The following RNF139 variants were observed in gnomAD, a reference collection of about 807,000 sequenced individuals.
RNF139 encodes the protein ring finger protein 139.
In RNF139, 15 loss-of-function variants were observed where a neutral mutation model predicts 49.5. That is an observed-to-expected ratio of 0.30 (90% CI 0.20 to 0.47). The LOEUF (loss-of-function observed/expected upper bound fraction) is 0.47. Ranked by LOEUF, RNF139 falls within the 20% of genes least tolerant of loss-of-function variation. The pLI is 1.00. For synonymous variants in RNF139, 325 were observed against 300.9 expected (o/e 1.08, Z -0.83); for missense variants, 619 against 806.3 (o/e 0.77, Z 2.81).
At position 124,488,517 on chromosome 8, in the gene RNF139, A is replaced by C; in HGVS notation, c.*873A>C. The C allele has an allele frequency of 2.7e-6, 2 of 733,654 alleles. No individual in the cohort carries two copies. The allele number at this position is 733,654 out of a possible 1,614,324, so 45.4% of individuals were successfully genotyped here. ...TATTTCTTTAGACAACTTGCAGATAATTTCTTTATTGAAACTATCAGGAAG... is the reference window on the plus strand; with the variant it reads ...TATTTCTTTAGACAACTTGCAGATACTTTCTTTATTGAAACTATCAGGAAG... On this transcript the variant is annotated 3_prime_UTR_variant, in exon 2 of 2. Transcript: ENST00000303545.
At chr8:124,483,723 C>A (rs911838998) in intron 1 of RNF139, among the ~76,000 whole-genome samples, 1 of 152,112 alleles carries the variant, frequency 6.6e-6, no homozygotes, top group Non-Finnish European at 1.5e-5. Flanking sequence ...AGCCACCACA[C>A]CCAGCCAAGA....
rs1816371613 is a variant in RNF139 at position 124,479,563 on chromosome 8, T to TC, written c.181+4273_181+4274insC. Among the ~76,000 whole-genome samples the TC allele has an allele frequency of 2.6e-5, 4 of 152,264 alleles. No individual in the cohort carries two copies. In the South Asian group the frequency reaches 8.3e-4, roughly 32 times the overall value. On this transcript the variant is annotated intron_variant, in intron 1 of 1. Transcript: ENST00000303545. ...ACATTTTGGACAGGATAATTCTTTGTTTGCGGATGGGAGCTCTCCTGTGCA... is the reference window on the plus strand; with the variant it reads ...ACATTTTGGACAGGATAATTCTTTGTCTTGCGGATGGGAGCTCTCCTGTGCA...
chr8:124,487,532 A>T lies in RNF139; in HGVS notation c.1883A>T (p.Glu628Val). 1 of 1,614,152 alleles carries T rather than the reference A, an allele frequency of 6.2e-7. No individual in the cohort carries two copies. Among genetic ancestry groups the T allele is most frequent in the Non-Finnish European group, 8.5e-7 (1 of 1,180,016 alleles). ...GAAGCTGCTGCTGAATCTGACAGGG[A>T]ATTGAACGAAGATGACAGTACAGAT... ...VREAAAESDR[E>V]LNEDDSTDCD... The change falls in exon 2 of 2, where the codon GAA becomes GTA. Residue 628 changes from glutamate (E) to valine (V), a missense_variant. By Grantham distance (121) the Glu-to-Val change is moderately radical. Around this residue, in one of 2 missense-constraint regions of RNF139, gnomAD observed 530 missense variants for 728.9 expected, o/e 0.73. Coordinates refer to ENST00000303545, the MANE Select transcript of RNF139 (RefSeq NM_007218.4).
rs1816290476 is a variant in RNF139, at chr8:124,475,162, T to C, written c.53T>C (p.Val18Ala). The C allele has an allele frequency of 6.2e-7, 1 of 1,610,974 alleles. No individual in the cohort carries two copies. Among genetic ancestry groups the C allele is most frequent in the Non-Finnish European group, 8.5e-7 (1 of 1,178,980 alleles). The change falls in exon 1 of 2, where the codon GTC (valine) becomes GCC (alanine). Residue 18 changes from valine (V) to alanine (A), a missense_variant. Around this residue, in one of 2 missense-constraint regions of RNF139, gnomAD observed 89 missense variants for 77.5 expected, o/e 1.15. Coordinates refer to ENST00000303545, the MANE Select transcript of RNF139 (RefSeq NM_007218.4). ...CAGGTGCGGATGGCCCATCAGCAGG[T>C]CTGGGCGGCGCTCGAAGTGGCGCTC... ...QQQVRMAHQQ[V>A]WAALEVALRV...
intron 1 of RNF139, among the ~76,000 whole-genome samples, chr8:124,482,790 G>A (rs575837511): frequency 1.3e-4 from 19 of 150,330 alleles, no homozygotes; most frequent in Admixed American, 6.0e-4. Context: ...GCTGGGAGTG[G>A]TGGTACATAC....
At position 124,485,833 on chromosome 8, in the gene RNF139, G is replaced by T; in HGVS notation, c.184G>T (p.Val62Leu). ...GACTTTTTCTTTCTTTCTTTTAGGT[G>T]TATTTGCATCCAGTATTGTTCTGAT... ...VLQIFLRLFG[V>L]FASSIVLILS... The change falls in exon 2 of 2, where the codon GTA becomes TTA. Residue 62 changes from valine (V) to leucine (L), a missense_variant and splice_region_variant. Physicochemically the swap from Val to Leu is conservative, Grantham distance 32. Coordinates refer to ENST00000303545, the MANE Select transcript of RNF139 (RefSeq NM_007218.4). The T allele has an allele frequency of 6.3e-7, 1 of 1,587,202 alleles. No individual in the cohort carries two copies. Among genetic ancestry groups the T allele is most frequent in the South Asian group, 1.1e-5 (1 of 88,452 alleles).
In RNF139 at chr8:124,487,753, A is replaced by G; in HGVS notation, c.*109A>G. 9.3e-7 allele frequency: 1 copy of G among 1,075,740 alleles called. No individual in the cohort carries two copies. Among genetic ancestry groups the G allele is most frequent in the South Asian group, 1.6e-5 (1 of 61,132 alleles). 66.6% of individuals were successfully genotyped at this position (1,075,740 alleles called of 1,614,324 possible). A position where few individuals can be genotyped will look rare whatever the true frequency, so the allele number is the denominator to read the frequency against. ...TGTAACCAAGCACAAAAACAGTATC[A>G]ATGTTGAATCTGTGAATGGTTTTCC... On this transcript the variant is annotated 3_prime_UTR_variant, in exon 2 of 2. Coordinates refer to ENST00000303545, the MANE Select transcript of RNF139 (RefSeq NM_007218.4).
Position 124,487,062 on chromosome 8 carries a change from T to C in RNF139, c.1413T>C (p.Ile471=). Residue 471 remains isoleucine (I), a synonymous_variant, in exon 2 of 2, where the codon ATT becomes ATC. Coordinates refer to ENST00000303545, the MANE Select transcript of RNF139 (RefSeq NM_007218.4). ...VYYVRSTGSI[I]EFIFGVVMFG... is the part of the protein sequence containing the mutation. ...ACGTTCGTTCAACAGGCAGTATTAT[T>C]GAATTTATATTTGGAGTTGTAATGT... 1 of 1,614,076 alleles carries C rather than the reference T, an allele frequency of 6.2e-7. No individual in the cohort carries two copies. The highest frequency in any genetic ancestry group is 1.1e-5 in the South Asian group (1 of 91,082).
In RNF139 at chr8:124,486,762, A is replaced by C. The variant is rs1173124127; in HGVS notation, c.1113A>C (p.Thr371=). ...TCCTGCATTTTATCCATGGAATGAC[A>C]GACCCTGTATTAATGTCTCTCAGTG... The part of the protein sequence containing the change: ...TAVLHFIHGM[T]DPVLMSLSAS... Residue 371 remains threonine, a synonymous_variant, in exon 2 of 2, where the codon ACA becomes ACC. Transcript: ENST00000303545. 1 of 1,613,976 alleles carries C rather than the reference A, an allele frequency of 6.2e-7. No individual in the cohort carries two copies. The highest frequency in any genetic ancestry group is 1.7e-5 in the Admixed American group (1 of 60,014).
At chr8:124,484,391 G>A (rs1248027225) in intron 1 of RNF139, among the ~76,000 whole-genome samples, 1 of 152,194 alleles carries the variant, frequency 6.6e-6, no homozygotes, top group Admixed American at 6.6e-5. Flanking sequence ...ATTTGGACAA[G>A]ATGAGGGTTT....
At chr8:124,476,121 C>T (rs984570606) in intron 1 of RNF139, among the ~76,000 whole-genome samples, 2 of 152,132 alleles carry the variant, frequency 1.3e-5, no homozygotes, top group African/African-American at 2.4e-5. Flanking sequence ...GGTGATCGGT[C>T]TTAAGTAGGC....
chr8:124,477,102 A>C (rs550246355), intron 1 of RNF139, among the ~76,000 whole-genome samples: 241 of 152,296 alleles, frequency 1.6e-3, no homozygotes, highest in Non-Finnish European at 2.5e-3. Flanking sequence ...GCTTCATTTA[A>C]TACCATATTT....
Position 124,486,416 on chromosome 8 carries a change from T to G in RNF139, c.767T>G (p.Ile256Ser). 1 of 1,614,202 alleles carries G rather than the reference T, an allele frequency of 6.2e-7. No individual in the cohort carries two copies. The highest frequency in any genetic ancestry group is 1.1e-5 in the South Asian group (1 of 91,090). The stretch of plus-strand genomic sequence containing the variant: ...GCTCAGGCTACAGTGTTAATGTACA[T>G]CTTAAGGATGGCAAATGAAACTGAT... ...VTAQATVLMYILRMANETDSF... is the reference protein window; with the variant it reads ...VTAQATVLMYSLRMANETDSF... Residue 256 changes from isoleucine (I) to serine (S), a missense_variant, in exon 2 of 2, where the codon ATC becomes AGC. Physicochemically the swap from Ile to Ser is moderately radical, Grantham distance 142. Coordinates refer to ENST00000303545, the MANE Select transcript of RNF139 (RefSeq NM_007218.4).
Position 124,486,561 on chromosome 8 carries a change from T to C in RNF139, c.912T>C (p.Tyr304=), listed in dbSNP as rs1816534752. Residue 304 remains tyrosine (Y), a synonymous_variant, in exon 2 of 2, where the codon TAT becomes TAC. Coordinates refer to ENST00000303545, the MANE Select transcript of RNF139 (RefSeq NM_007218.4). ...CTGTAATTTCCTCAGTAGCCCATTA[T>C]TTGGGGCTTGGAATATTGGCCTTTA... The part of the protein sequence containing the change: ...MSAVISSVAH[Y]LGLGILAFIG... The C allele has an allele frequency of 6.2e-7, 1 of 1,614,078 alleles. No individual in the cohort carries two copies. The highest frequency in any genetic ancestry group is 1.3e-5 in the African/African-American group (1 of 74,906).
intron 1 of RNF139, chr8:124,483,362 G>A (rs796760114): frequency 9.9e-5 from 15 of 151,146 alleles, no homozygotes; most frequent in East Asian, 5.8e-4. Flanking sequence ...TGTGAAATGC[G>A]TCTACTGTAA....
chr8:124,475,062 C>T lies in RNF139; in HGVS notation c.-48C>T, dbSNP rs1816285621. ...CCCCGGCCGCGGCCCCGGGCCCTGC[C>T]CCGCGCGGCCCTGCCCGGCCCACCG... On this transcript the variant is annotated 5_prime_UTR_variant, in exon 1 of 2. Coordinates refer to ENST00000303545, the MANE Select transcript of RNF139 (RefSeq NM_007218.4). The T allele has an allele frequency of 1.2e-5, 16 of 1,340,940 alleles. No homozygotes were observed. The highest frequency in any genetic ancestry group is 1.4e-5 in the Non-Finnish European group (15 of 1,048,674). The allele number at this position is 1,340,940 out of a possible 1,614,324, so 83.1% of individuals were successfully genotyped here. A position where few individuals can be genotyped will look rare whatever the true frequency, so the allele number is the denominator to read the frequency against.
Position 124,475,211 on chromosome 8 carries a change from C to G in RNF139, c.102C>G (p.Ile34Met). The G allele has an allele frequency of 6.2e-7, 1 of 1,613,372 alleles. No individual in the cohort carries two copies. Residue 34 changes from isoleucine (I) to methionine (M), a missense_variant, in exon 1 of 2, where the codon ATC becomes ATG. Physicochemically the swap from Ile to Met is conservative, Grantham distance 10. This residue lies in a region of RNF139 where 89 missense variants were observed against 77.5 expected (regional missense o/e 1.15). Coordinates refer to ENST00000303545, the MANE Select transcript of RNF139 (RefSeq NM_007218.4). ...TCCGGGTGCCCTGCCTTTACATCAT[C>G]GACGCCATCTTCAACTCCTACCCGG... ...VALRVPCLYIIDAIFNSYPDS... is the reference protein window; with the variant it reads ...VALRVPCLYIMDAIFNSYPDS...
rs140557634 is a variant in RNF139, at chr8:124,486,100, T to C, written c.451T>C (p.Tyr151His). ...YVTLLQIHSIYSQLIILDLLV... is the reference protein window; with the variant it reads ...YVTLLQIHSIHSQLIILDLLV... ...TACACTACTCCAGATTCATTCCATC[T>C]ATTCACAATTAATTATTTTGGATCT... Residue 151 changes from tyrosine (Y) to histidine (H), a missense_variant, in exon 2 of 2, where the codon TAT (tyrosine) becomes CAT (histidine). Physicochemically the swap from Tyr to His is moderately conservative, Grantham distance 83. Around this residue, in one of 2 missense-constraint regions of RNF139, gnomAD observed 530 missense variants for 728.9 expected, o/e 0.73. Transcript: ENST00000303545. The C allele has an allele frequency of 2.4e-5, 39 of 1,614,206 alleles. No homozygotes were observed. In the African/African-American group the frequency reaches 3.7e-4, roughly 15 times the overall value.
chr8:124,482,264 A>G (rs1032143613), intron 1 of RNF139, among the ~76,000 whole-genome samples: 1 of 152,108 alleles, frequency 6.6e-6, no homozygotes, highest in Non-Finnish European at 1.5e-5. Context: ...TAATTTCTTC[A>G]TTTGTGTGTA....
Sources: allele counts gnomAD v4.1 joint callset (sites outside exome capture counted in the v4.1 genomes callset), GRCh38; gene constraint gnomAD v4.1.1; regional missense constraint gnomAD v4.1.1; transcripts MANE v1.5; gene names NCBI Gene and HGNC (gene_info 2026-07-23, HGNC 2026-07-21).